The following RHOBTB1 variants were observed in gnomAD, a reference collection of about 807,000 sequenced individuals.
The protein encoded by RHOBTB1 is Rho related BTB domain containing 1, also known as rho-related BTB domain-containing protein 1.
Under a neutral mutation model 71.6 loss-of-function variants are expected in RHOBTB1, and 40 were observed. The observed-to-expected ratio is 0.56, with a 90% CI of 0.43 to 0.73. The LOEUF is 0.73. Among genes scored for constraint, RHOBTB1 ranks in the 30% least tolerant of loss-of-function variants. The pLI is 0.00. For synonymous variants in RHOBTB1, 319 were observed against 334.9 expected, an observed-to-expected ratio of 0.95 and a Z score of 0.52; for missense variants, 797 against 894.0, an observed-to-expected ratio of 0.89 and a Z score of 1.38.
chr10:60,933,866 C>A (rs1162316527), intron 2 of RHOBTB1, among the ~76,000 whole-genome samples: 1 of 152,004 alleles, frequency 6.6e-6, no homozygotes, highest in East Asian at 1.9e-4. Flanking sequence ...CATGAACAAT[C>A]TTTAAATTAA....
chr10:60,925,735 T>C (rs1171690532), intron 2 of RHOBTB1, among the ~76,000 whole-genome samples: 4 of 152,160 alleles, frequency 2.6e-5, no homozygotes, highest in Non-Finnish European at 5.9e-5. Flanking sequence ...ATGTTACAAC[T>C]GATACTGCTG....
chr10:60,935,857 C>T (rs937924917), intron 2 of RHOBTB1, among the ~76,000 whole-genome samples: 2 of 152,126 alleles, frequency 1.3e-5, no homozygotes, highest in Non-Finnish European at 2.9e-5. Context: ...AATGGTGTGA[C>T]ACTGCATCAT....
rs1471458630 is a variant in RHOBTB1, at chr10:60,911,360, C to T, written c.183G>A (p.Val61=). Residue 61 remains valine (V), a synonymous_variant, in exon 3 of 11, where the codon GTG becomes GTA. Coordinates refer to ENST00000337910, the MANE Select transcript of RHOBTB1 (RefSeq NM_014836.5). The part of the protein sequence containing the change: ...PTVWAIDQYR[V]CQEVLERSRD... Reference sequence around the variant, plus strand: ...ACTCTGTGCATCTTACCTCCTGGCACACGCGGTACTGGTCAATCGCCCACA... The same window carrying T: ...ACTCTGTGCATCTTACCTCCTGGCATACGCGGTACTGGTCAATCGCCCACA... The T allele has an allele frequency of 6.2e-7, 1 of 1,609,940 alleles. No individual in the cohort carries two copies. Among genetic ancestry groups the T allele is most frequent in the East Asian group, 2.2e-5 (1 of 44,720 alleles).
At position 60,897,317 on chromosome 10, in the gene RHOBTB1, G is replaced by A. The variant is rs552117587; in HGVS notation, c.297-4322C>T. On this transcript the variant is annotated intron_variant, in intron 4 of 10. Coordinates refer to ENST00000337910, the MANE Select transcript of RHOBTB1 (RefSeq NM_014836.5). ...AGATTCATCCTTTGAAGACATGGTC[G>A]GAAAAGAATTGATAATCAGTAACAA... is the stretch of plus-strand genomic sequence containing the variant. Among the ~76,000 whole-genome samples the A allele has an allele frequency of 8.5e-5, 13 of 152,212 alleles. No homozygotes were observed. In the South Asian group the frequency reaches 1.5e-3, roughly 17 times the overall value.
intron 2 of RHOBTB1, among the ~76,000 whole-genome samples, chr10:60,931,471 A>T (rs1589346944): frequency 6.6e-6 from 1 of 152,178 alleles, no homozygotes; most frequent in East Asian, 1.9e-4. Flanking sequence ...CACTTAGCAT[A>T]GTATTTTCAA....
intron 4 of RHOBTB1, among the ~76,000 whole-genome samples, chr10:60,906,990 A>G (rs2082713007): frequency 6.6e-6 from 1 of 152,208 alleles, no homozygotes. Flanking sequence ...TTCTCATGCT[A>G]TTCTCATGAC....
At chr10:60,882,540 A>G (rs1329412193) in intron 7 of RHOBTB1, among the ~76,000 whole-genome samples, 1 of 151,930 alleles carries the variant, frequency 6.6e-6, no homozygotes, top group Non-Finnish European at 1.5e-5. Flanking sequence ...ATCATTGGAC[A>G]TAGGCATATT....
intron 1 of RHOBTB1, among the ~76,000 whole-genome samples, chr10:60,996,838 A>G (rs1409595884): frequency 1.3e-5 from 2 of 152,142 alleles, no homozygotes; most frequent in Non-Finnish European, 2.9e-5. Flanking sequence ...GGCATCCTGT[A>G]TTTGATTTGC....
intron 2 of RHOBTB1, among the ~76,000 whole-genome samples, chr10:60,978,878 C>G (rs900137373): frequency 2.6e-5 from 4 of 152,152 alleles, no homozygotes; most frequent in African/African-American, 9.7e-5. Context: ...AGACATTCCT[C>G]TACTCACTTC....
intron 1 of RHOBTB1, among the ~76,000 whole-genome samples, chr10:60,998,157 T>C (rs1460293750): frequency 6.6e-6 from 1 of 152,236 alleles, no homozygotes; most frequent in Non-Finnish European, 1.5e-5. Flanking sequence ...TCGTCTCCAT[T>C]ATGGTACTCA....
intron 8 of RHOBTB1, among the ~76,000 whole-genome samples, chr10:60,875,245 A>G (rs944592559): frequency 2.0e-5 from 3 of 152,072 alleles, no homozygotes; most frequent in South Asian, 2.1e-4. Flanking sequence ...CTTCACCCAC[A>G]CCTCTGGGGA....
intron 4 of RHOBTB1, among the ~76,000 whole-genome samples, chr10:60,894,545 A>G (rs1178740283): frequency 1.3e-5 from 2 of 152,194 alleles, no homozygotes; most frequent in Non-Finnish European, 2.9e-5. Flanking sequence ...AGCATAAATA[A>G]CAGTATCCAG....
intron 2 of RHOBTB1, among the ~76,000 whole-genome samples, chr10:60,930,543 T>C (rs960132302): frequency 2.0e-5 from 3 of 152,192 alleles, no homozygotes; most frequent in Non-Finnish European, 2.9e-5. Context: ...CCAAATAAAA[T>C]TGGGCCTCAT....
chr10:60,948,359 T>C (rs2085303874), upstream of RHOBTB1, among the ~76,000 whole-genome samples: 1 of 152,216 alleles, frequency 6.6e-6, no homozygotes, highest in African/African-American at 2.4e-5. Flanking sequence ...ATAAAACTCC[T>C]ATAGAAAGGG....
rs1242582297 is a variant in RHOBTB1 at position 60,872,165 on chromosome 10, G to C, written c.1921+20C>G. ...AGAGGTGAGGAGAGCTGGATGAATG[G>C]GGGCCTCACACAGTCTCACCTGCAG... On this transcript the variant is annotated intron_variant, in intron 10 of 10. Transcript: ENST00000337910. The C allele has an allele frequency of 6.5e-7, 1 of 1,530,210 alleles. No homozygotes were observed. Among genetic ancestry groups the C allele is most frequent in the Non-Finnish European group, 9.1e-7 (1 of 1,103,456 alleles). 94.8% of individuals were successfully genotyped at this position (1,530,210 alleles called of 1,614,324 possible).
intron 2 of RHOBTB1, among the ~76,000 whole-genome samples, chr10:60,930,147 A>C (rs1179488306): frequency 3.9e-5 from 6 of 152,216 alleles, no homozygotes; most frequent in African/African-American, 1.4e-4. Context: ...GAAATGTTTT[A>C]AAAGCAAATA....
intron 1 of RHOBTB1, among the ~76,000 whole-genome samples, chr10:60,997,374 C>T (rs2087093928): frequency 6.6e-6 from 1 of 152,158 alleles, no homozygotes; most frequent in South Asian, 2.1e-4. Flanking sequence ...TAATTCAGAA[C>T]TGTGCATAAT....
chr10:60,974,930 A>G (rs1013281055), intron 2 of RHOBTB1, among the ~76,000 whole-genome samples: 25 of 152,022 alleles, frequency 1.6e-4, no homozygotes, highest in African/African-American at 5.8e-4. Context: ...AGCAAATGTG[A>G]ATAAGAAATG....
intron 4 of RHOBTB1, among the ~76,000 whole-genome samples, chr10:60,906,434 T>C (rs1042242457): frequency 2.0e-5 from 3 of 152,372 alleles, no homozygotes; most frequent in Middle Eastern, 6.8e-3. Flanking sequence ...AGATTCAGAA[T>C]GTACCAGGAG....
Sources: gnomAD v4.1 joint callset for allele counts (sites outside exome capture counted in the v4.1 genomes callset) on GRCh38, gnomAD v4.1.1 for gene constraint, MANE v1.5 for transcripts, NCBI Gene and HGNC (gene_info 2026-07-23, HGNC 2026-07-21) for gene names.